The following EYA4 variants were observed in gnomAD, a reference collection of about 807,000 sequenced individuals.
EYA4 encodes the protein EYA transcriptional coactivator and phosphatase 4, also known as protein phosphatase EYA4.
EYA4 carries 31 observed loss-of-function variants against 87.9 expected under a neutral mutation model. The observed-to-expected ratio is 0.35, with a 90% confidence interval of 0.27 to 0.48. EYA4 has a LOEUF of 0.48. Among genes scored for constraint, EYA4 ranks in the 20% least tolerant of loss-of-function variants. The pLI is 0.99. For synonymous variants in EYA4, 263 were observed against 270.6 expected, an observed-to-expected ratio of 0.97 and a Z score of 0.28; for missense variants, 678 against 761.4, an observed-to-expected ratio of 0.89 and a Z score of 1.29.
At chr6:133,366,790 A>G (rs1583074539) in intron 2 of EYA4, among the ~76,000 whole-genome samples, 1 of 152,196 alleles carries the variant, frequency 6.6e-6, no homozygotes. Flanking sequence ...GTGGCTGTTT[A>G]GTTTTGATTT....
chr6:133,435,654 G>C (rs1791590128), intron 3 of EYA4: 1 of 152,162 alleles, frequency 6.6e-6, no homozygotes, highest in African/African-American at 2.4e-5. Flanking sequence ...GGTTTAACAT[G>C]ACCTGGCATT....
At chr6:133,246,192 G>A (rs571996045) in intron 1 of EYA4, among the ~76,000 whole-genome samples, 1 of 152,248 alleles carries the variant, frequency 6.6e-6, no homozygotes, top group Non-Finnish European at 1.5e-5. Flanking sequence ...TGACACAATA[G>A]TATAGTTTGA....
intron 2 of EYA4, among the ~76,000 whole-genome samples, chr6:133,300,642 G>A (rs887426151): frequency 6.6e-5 from 10 of 152,088 alleles, no homozygotes; most frequent in African/African-American, 2.4e-4. Context: ...AGCCTCCCGA[G>A]TTGGTGGGAC....
intron 18 of EYA4, among the ~76,000 whole-genome samples, chr6:133,524,221 C>T (rs3822938): frequency 0.16 from 24,533 of 152,152 alleles, 2,207 homozygotes; most frequent in African/African-American, 0.22. Context: ...AATAATTTTA[C>T]AGCAGAATAA....
rs949638959 is a variant in EYA4 at position 133,381,079 on chromosome 6, T to A, written c.34-1313T>A. ...CTGTGAAACCGTTTTTTTTTTCTTT[T>A]TTTTTTTTTTTTTTGCCCCTCCATC... On this transcript the variant is annotated intron_variant, in intron 2 of 19. Coordinates refer to ENST00000355286, the MANE Select transcript of EYA4 (RefSeq NM_004100.5). 2.1e-5 allele frequency among the ~76,000 whole-genome samples: 3 copies of A among 144,170 alleles called. No homozygotes were observed. The Admixed American group carries it at 2.1e-4, about 10-fold the overall frequency. The allele number at this position is 144,170 out of a possible 152,430, so 94.6% of individuals were successfully genotyped here.
intron 2 of EYA4, among the ~76,000 whole-genome samples, chr6:133,342,758 A>G (rs1782897922): frequency 1.3e-5 from 2 of 151,722 alleles, no homozygotes; most frequent in Non-Finnish European, 2.9e-5. Flanking sequence ...ATCTTTATTT[A>G]GCATAACCTA....
At chr6:133,310,449 G>A (rs142216453) in intron 2 of EYA4, among the ~76,000 whole-genome samples, 31 of 152,246 alleles carry the variant, frequency 2.0e-4, no homozygotes, top group African/African-American at 3.1e-4. Flanking sequence ...TAATATGCTA[G>A]GATACAGATT....
intron 2 of EYA4, among the ~76,000 whole-genome samples, chr6:133,382,031 A>G (rs1401547659): frequency 2.0e-5 from 3 of 152,188 alleles, no homozygotes; most frequent in Admixed American, 2.0e-4. Flanking sequence ...ATGTGCTTTT[A>G]GTAGGAGACA....
intron 13 of EYA4, among the ~76,000 whole-genome samples, chr6:133,496,244 A>G (rs1797638381): frequency 6.6e-6 from 1 of 152,194 alleles, no homozygotes; most frequent in South Asian, 2.1e-4. Flanking sequence ...TGAAATTATT[A>G]TGGGTCCTTA....
intron 1 of EYA4, among the ~76,000 whole-genome samples, chr6:133,269,637 G>T (rs1314681140): frequency 6.6e-6 from 1 of 152,158 alleles, no homozygotes; most frequent in East Asian, 1.9e-4. Context: ...AAGCATAAAA[G>T]AAATTGAAGA....
chr6:133,481,872 C>T (rs1189090943), intron 12 of EYA4, among the ~76,000 whole-genome samples: 3 of 152,068 alleles, frequency 2.0e-5, no homozygotes, highest in Non-Finnish European at 2.9e-5. Context: ...TAAATTGGCA[C>T]CGACAAATTT....
intron 2 of EYA4, among the ~76,000 whole-genome samples, chr6:133,326,969 C>T (rs1156673274): frequency 6.6e-6 from 1 of 152,120 alleles, no homozygotes; most frequent in Non-Finnish European, 1.5e-5. Context: ...CTCGCTGACC[C>T]TTGTTCCTGA....
intron 13 of EYA4, among the ~76,000 whole-genome samples, chr6:133,484,282 A>G (rs1796502124): frequency 6.6e-6 from 1 of 152,168 alleles, no homozygotes; most frequent in South Asian, 2.1e-4. Flanking sequence ...ATGTCTTCCT[A>G]TGTCTTCATA....
In EYA4 at chr6:133,531,299, C is replaced by G; in HGVS notation, c.*2494C>G. 2 of 1,179,834 alleles carry G rather than the reference C, an allele frequency of 1.7e-6. No homozygotes were observed. The highest frequency in any genetic ancestry group is 2.6e-5 in the South Asian group (2 of 76,650). The allele number at this position is 1,179,834 out of a possible 1,614,324, so 73.1% of individuals were successfully genotyped here. A position where few individuals can be genotyped will look rare whatever the true frequency, so the allele number is the denominator to read the frequency against. On this transcript the variant is annotated 3_prime_UTR_variant, in exon 20 of 20. Transcript: ENST00000355286. The stretch of plus-strand genomic sequence containing the variant: ...GGTGCAGGCCCACGAGCCAGCATCA[C>G]AGCTTGGCCATGGGACGTTGAGTAT...
chr6:133,380,378 T>C (rs925527284), intron 2 of EYA4, among the ~76,000 whole-genome samples: 3 of 152,146 alleles, frequency 2.0e-5, no homozygotes, highest in Admixed American at 2.0e-4. Flanking sequence ...GAGAATAAAT[T>C]AAAACAAGCA....
Position 133,522,925 on chromosome 6 carries a change from G to C in EYA4, c.1617-131G>C, listed in dbSNP as rs1445361793. ...ATTATTGGAGGAGTGTCTGTCTGCTGATAGGCAATAGTAATGAATTTTGAA... is the reference window on the plus strand; with the variant it reads ...ATTATTGGAGGAGTGTCTGTCTGCTCATAGGCAATAGTAATGAATTTTGAA... On this transcript the variant is annotated intron_variant, in intron 17 of 19. Transcript: ENST00000355286. 3 of 730,842 alleles carry C rather than the reference G, an allele frequency of 4.1e-6. 1 individual carries two copies. The highest frequency in any genetic ancestry group is 7.1e-6 in the Non-Finnish European group (3 of 419,934). The allele number at this position is 730,842 out of a possible 1,614,324, so 45.3% of individuals were successfully genotyped here.
chr6:133,244,395 G>C (rs1774234361), intron 1 of EYA4, among the ~76,000 whole-genome samples: 1 of 151,930 alleles, frequency 6.6e-6, no homozygotes, highest in African/African-American at 2.4e-5. Flanking sequence ...TAAGTAGTAG[G>C]CTTAAGTTTT....
intron 2 of EYA4, among the ~76,000 whole-genome samples, chr6:133,294,724 T>C (rs548614988): frequency 9.2e-5 from 14 of 152,156 alleles, no homozygotes; most frequent in African/African-American, 3.4e-4. Context: ...TGAACCACCA[T>C]GCGTGGCTAA....
intron 2 of EYA4, among the ~76,000 whole-genome samples, chr6:133,320,137 C>CTT (rs764354283): frequency 2.2e-5 from 3 of 135,490 alleles, no homozygotes; most frequent in Non-Finnish European, 3.2e-5. Context: ...ATGACCATTC[C>CTT]TTTTTTTTTT....
Sources: gnomAD v4.1 joint callset for allele counts (sites outside exome capture counted in the v4.1 genomes callset) on GRCh38, gnomAD v4.1.1 for gene constraint, MANE v1.5 for transcripts, NCBI Gene and HGNC (gene_info 2026-07-23, HGNC 2026-07-21) for gene names.